PTPA: variants seen among roughly 807,000 people sequenced by gnomAD.
The protein encoded by PTPA is serine/threonine-protein phosphatase 2A activator.
In PTPA, 13 loss-of-function variants were observed where a neutral mutation model predicts 43.6. The observed-to-expected ratio is 0.30, with a 90% CI of 0.19 to 0.47. The LOEUF is 0.47. Among genes scored for constraint, PTPA ranks in the 20% least tolerant of loss-of-function variants. The pLI, the probability that PTPA is intolerant of heterozygous loss-of-function variation, is 0.99. For missense variants in PTPA, 329 were observed against 411.9 expected (o/e 0.80, Z 1.74); for synonymous variants, 172 against 158.2 (o/e 1.09, Z -0.66).
chr9:129,145,809 C>T (rs1485681098), intron 9 of PTPA, among the ~76,000 whole-genome samples: 1 of 152,162 alleles, frequency 6.6e-6, no homozygotes, highest in African/African-American at 2.4e-5. Flanking sequence ...CCCAGGGAGT[C>T]CCTTCCCCAG....
chr9:129,145,704 G>A (rs1018538919), intron 9 of PTPA, among the ~76,000 whole-genome samples: 3 of 152,188 alleles, frequency 2.0e-5, no homozygotes, highest in Non-Finnish European at 2.9e-5. Context: ...TGCTCTCAGG[G>A]GCCTTGTGTG....
At chr9:129,127,126 T>C (rs1320472355) in intron 3 of PTPA, among the ~76,000 whole-genome samples, 5 of 152,218 alleles carry the variant, frequency 3.3e-5, no homozygotes, top group Non-Finnish European at 7.3e-5. Context: ...TATGCCATCC[T>C]AGCCCTCTGC....
rs934602888 is a variant in PTPA, at chr9:129,120,395, G to A, written c.32-118G>A. On this transcript the variant is annotated intron_variant, in intron 1 of 9. Coordinates refer to ENST00000393370, the MANE Select transcript of PTPA (RefSeq NM_178000.3). Reference sequence around the variant, plus strand: ...GCCAAGATCGTGTCACTGGACTCCAGCCTGGGCAACAAGAGCAAAACTCCG... The same window carrying A: ...GCCAAGATCGTGTCACTGGACTCCAACCTGGGCAACAAGAGCAAAACTCCG... The A allele has an allele frequency of 2.3e-5, 17 of 728,064 alleles. No homozygotes were observed. The Admixed American group carries it at 3.7e-4, about 16-fold the overall frequency. 45.1% of individuals were successfully genotyped at this position (728,064 alleles called of 1,614,324 possible). A position where few individuals can be genotyped will look rare whatever the true frequency, so the allele number is the denominator to read the frequency against.
chr9:129,131,451 G>A lies in PTPA; in HGVS notation c.343-71G>A, dbSNP rs537489378. The A allele has an allele frequency of 5.7e-6, 8 of 1,394,466 alleles. No homozygotes were observed. The African/African-American group carries it at 9.9e-5, about 17-fold the overall frequency. The allele number at this position is 1,394,466 out of a possible 1,614,324, so 86.4% of individuals were successfully genotyped here. A position where few individuals can be genotyped will look rare whatever the true frequency, so the allele number is the denominator to read the frequency against. ...CAGTGTGGGCCCCCAGTCAGGTGCT[G>A]CCCCTGGGCACCTGCCCACTGGGAT... On this transcript the variant is annotated intron_variant, in intron 4 of 9. Transcript: ENST00000393370.
intron 6 of PTPA, among the ~76,000 whole-genome samples, chr9:129,135,738 C>T (rs985878686): frequency 2.0e-5 from 3 of 152,230 alleles, no homozygotes; most frequent in African/African-American, 7.2e-5. Context: ...AGGCCTGTGA[C>T]GGAGCCCAGG....
intron 3 of PTPA, among the ~76,000 whole-genome samples, chr9:129,127,482 C>G (rs1485695938): frequency 6.6e-6 from 1 of 152,210 alleles, no homozygotes; most frequent in Non-Finnish European, 1.5e-5. Context: ...AGATCCACTT[C>G]CTGGCAGGGA....
chr9:129,144,009 C>T (rs1851105189), intron 9 of PTPA, among the ~76,000 whole-genome samples: 1 of 151,438 alleles, frequency 6.6e-6, no homozygotes, highest in African/African-American at 2.4e-5. Context: ...ACTCTGGCTG[C>T]CTTCTCTGCT....
chr9:129,112,165 C>T (rs1848559184), intron 1 of PTPA, among the ~76,000 whole-genome samples: 1 of 152,128 alleles, frequency 6.6e-6, no homozygotes, highest in African/African-American at 2.4e-5. Flanking sequence ...GGGAAACTGC[C>T]CGTGGTGTCT....
intron 8 of PTPA, chr9:129,141,865 G>GGTC (rs887304764): frequency 1.3e-5 from 2 of 152,164 alleles, no homozygotes; most frequent in African/African-American, 4.8e-5. Flanking sequence ...TACCCACCTT[G>GGTC]GTCCTCTTGC....
At chr9:129,123,879 C>T (rs1453142408) in intron 3 of PTPA, among the ~76,000 whole-genome samples, 4 of 152,064 alleles carry the variant, frequency 2.6e-5, no homozygotes. Context: ...GACGGGGTTT[C>T]TCCATGTTGG....
intron 3 of PTPA, among the ~76,000 whole-genome samples, chr9:129,128,527 ACT>A (rs1849734730): frequency 7.2e-6 from 1 of 138,982 alleles, no homozygotes; most frequent in African/African-American, 3.0e-5. Flanking sequence ...CAAGAGCGAA[ACT>A]CTGTCTCAAA....
Position 129,134,839 on chromosome 9 carries a change from A to G in PTPA, c.505A>G (p.Ile169Val). The change falls in exon 6 of 10, where the codon ATT becomes GTT. Residue 169 changes from isoleucine (I) to valine (V), a missense_variant. Transcript: ENST00000393370. ...FAAFLCCLCK[I>V]GVLRVDDQIA... is the part of the protein sequence containing the mutation. ...TGCTTTCCTCTGCTGTCTCTGCAAGATTGGGGTGCTCCGGGTGGATGACCA... is the reference window on the plus strand; with the variant it reads ...TGCTTTCCTCTGCTGTCTCTGCAAGGTTGGGGTGCTCCGGGTGGATGACCA... The G allele has an allele frequency of 6.2e-7, 1 of 1,614,138 alleles. No homozygotes were observed. Among genetic ancestry groups the G allele is most frequent in the Non-Finnish European group, 8.5e-7 (1 of 1,180,030 alleles).
At chr9:129,142,804 T>G (rs1013931198) in intron 9 of PTPA, 2 of 1,535,496 alleles carry the variant, frequency 1.3e-6, no homozygotes, top group Non-Finnish European at 1.7e-6. Context: ...GCTTGGAGGC[T>G]GAGGCAAGGA....
chr9:129,117,656 C>G (rs545727136), intron 1 of PTPA, among the ~76,000 whole-genome samples: 1 of 150,996 alleles, frequency 6.6e-6, no homozygotes, highest in Non-Finnish European at 1.5e-5. Flanking sequence ...CCACCCGCCT[C>G]GGATTCCCAA....
At chr9:129,110,999 C>T, upstream of PTPA, 1 of 1,371,236 alleles carries the variant, frequency 7.3e-7, no homozygotes, top group Non-Finnish European at 9.8e-7. This position sits in a 1 kb window ranked among gnomAD's most constrained non-coding sequence, Gnocchi z 5.3. Flanking sequence ...AGCTGTCTCT[C>T]CCCTGTCCCC....
intron 3 of PTPA, chr9:129,128,199 A>G: frequency 2.2e-6 from 1 of 459,506 alleles, no homozygotes; most frequent in South Asian, 1.8e-5. Flanking sequence ...ATGCTAAACC[A>G]TGTAAAACAC....
chr9:129,140,830 A>T (rs1002314196), intron 8 of PTPA, among the ~76,000 whole-genome samples: 7 of 151,086 alleles, frequency 4.6e-5, no homozygotes, highest in Non-Finnish European at 7.4e-5. Flanking sequence ...CTGGGGGTGG[A>T]GTGTGGTTGA....
intron 6 of PTPA, among the ~76,000 whole-genome samples, chr9:129,135,593 G>A (rs1850313605): frequency 6.6e-6 from 1 of 152,354 alleles, no homozygotes; most frequent in East Asian, 1.9e-4. Flanking sequence ...CACGCCAGCT[G>A]AACCCAGGTA....
chr9:129,137,287 T>C (rs1159648018), intron 7 of PTPA, among the ~76,000 whole-genome samples: 3 of 152,184 alleles, frequency 2.0e-5, no homozygotes, highest in Non-Finnish European at 2.9e-5. Context: ...CCAGGCACCA[T>C]ACTGAGTGCT....
Sources: gnomAD v4.1 joint callset for allele counts (sites outside exome capture counted in the v4.1 genomes callset) on GRCh38, gnomAD v4.1.1 for gene constraint, Gnocchi (gnomAD v3.1) non-coding constraint, MANE v1.5 for transcripts, NCBI Gene and HGNC (gene_info 2026-07-23, HGNC 2026-07-21) for gene names.